CD300LF: variants seen among roughly 807,000 people sequenced by gnomAD.
The protein encoded by CD300LF is CMRF35-like molecule 1.
Under a neutral mutation model 32.2 loss-of-function variants are expected in CD300LF, and 27 were observed. The ratio of observed to expected loss-of-function variants is 0.84; its 90% CI spans 0.62 to 1.15. CD300LF has a LOEUF of 1.15. CD300LF is among the 50% of genes most tolerant of loss of function. The pLI is 0.00. For missense variants in CD300LF, 348 were observed against 356.8 expected, an observed-to-expected ratio of 0.98 and a Z score of 0.20; for synonymous variants, 139 against 143.2, an observed-to-expected ratio of 0.97 and a Z score of 0.21.
chr17:74,695,627 C>G, intron 6 of CD300LF, 98 bp downstream of exon 6: 1 of 1,547,798 alleles, frequency 6.5e-7, no homozygotes, highest in Non-Finnish European at 8.8e-7. Flanking sequence ...CTCCTCTATG[C>G]CCACATGAGC....
intron 5 of CD300LF, 63 bp downstream of exon 5, chr17:74,696,132 G>A: frequency 5.8e-6 from 9 of 1,559,442 alleles, no homozygotes; most frequent in Non-Finnish European, 7.8e-6. Flanking sequence ...CTGAGAGATG[G>A]AAAATGAGGA....
In CD300LF at chr17:74,695,776, C is replaced by A. The variant is rs761990181; in HGVS notation, c.666G>T (p.Thr222=). 26 of 1,614,166 alleles carry A rather than the reference C, an allele frequency of 1.6e-5. No homozygotes were observed. Among genetic ancestry groups the A allele is most frequent in the Non-Finnish European group, 2.1e-5 (25 of 1,180,030 alleles). Residue 222 remains threonine, a synonymous_variant, in exon 6 of 7, where the codon ACG becomes ACT. Coordinates refer to ENST00000326165, the MANE Select transcript of CD300LF (RefSeq NM_139018.5). ...GGTCAACCTGGGCAGAGGAAAGCTT[C>A]GTGGTAGCCTTTTGCGGGGAGGTTC... The part of the protein sequence containing the change: ...LAGTSPQKAT[T]KLSSAQVDQV...
Position 74,695,183 on chromosome 17 carries a change from G to C in CD300LF, c.786C>G (p.Thr262=), listed in dbSNP as rs1336230214. The C allele has an allele frequency of 6.2e-7, 1 of 1,614,150 alleles. No individual in the cohort carries two copies. The highest frequency in any genetic ancestry group is 8.5e-7 in the Non-Finnish European group (1 of 1,180,018). Residue 262 remains threonine, a synonymous_variant, in exon 7 of 7, where the codon ACC becomes ACG. Coordinates refer to ENST00000326165, the MANE Select transcript of CD300LF (RefSeq NM_139018.5). ...TACTGAGGTGGCCCATGTTGCAGTA[G>C]GTCGGTTCCTGATCCTCAGCACCCA... ...LTLGAEDQEP[T]YCNMGHLSSH...
chr17:74,698,198 TGCAAGCTCCAGGGCGCCCCC>T (rs1567784815), intron 4 of CD300LF, among the ~76,000 whole-genome samples, 151 bp downstream of exon 4: 2 of 152,204 alleles, frequency 1.3e-5, no homozygotes. Flanking sequence ...GGGGCTCCCC[TGCAAGCTCCAGGGCGCCCCC>T]CGGTCCCCTG....
chr17:74,703,969 G>A (rs767543436), intron 2 of CD300LF, among the ~76,000 whole-genome samples: 50 of 152,250 alleles, frequency 3.3e-4, no homozygotes, highest in Non-Finnish European at 6.0e-4. Flanking sequence ...CCGTTTGACT[G>A]TGAAGACCTT....
At chr17:74,704,883 G>C in intron 1 of CD300LF, 67 bp from the exon 2 acceptor site, 1 of 1,261,776 alleles carries the variant, frequency 7.9e-7, no homozygotes, top group Admixed American at 2.2e-5. Flanking sequence ...TTTCTGTTTA[G>C]GGAATAGCTC....
At chr17:74,706,974 T>C (rs1434302239) in intron 1 of CD300LF, among the ~76,000 whole-genome samples, 1 of 152,170 alleles carries the variant, frequency 6.6e-6, no homozygotes, top group African/African-American at 2.4e-5. Flanking sequence ...TCACAACATA[T>C]ACAAAAATCA....
intron 2 of CD300LF, 94 bp downstream of exon 2, chr17:74,704,384 T>A (rs909864495): frequency 1.1e-6 from 1 of 911,880 alleles, no homozygotes; most frequent in Non-Finnish European, 1.7e-6. Context: ...AAGTGATAGA[T>A]CACTCAGTGA....
chr17:74,707,896 C>T (rs2033643381), intron 1 of CD300LF, among the ~76,000 whole-genome samples: 2 of 151,556 alleles, frequency 1.3e-5, no homozygotes, highest in Non-Finnish European at 2.9e-5. Context: ...TTATACAGGC[C>T]AGGCACTGTG....
intron 2 of CD300LF, among the ~76,000 whole-genome samples, chr17:74,703,860 C>T (rs951864455): frequency 9.2e-5 from 14 of 152,214 alleles, no homozygotes; most frequent in African/African-American, 3.4e-4. Context: ...AGCTAACGCT[C>T]CCAGGAGTGT....
At chr17:74,698,508 C>T (rs369736004) in intron 3 of CD300LF, 27 bp from the exon 4 acceptor site, 23 of 1,594,816 alleles carry the variant, frequency 1.4e-5, no homozygotes, top group Non-Finnish European at 1.8e-5. Flanking sequence ...GCGTCCCCTG[C>T]ATCCCAGGCT....
At chr17:74,708,002 G>T (rs2033650398) in intron 1 of CD300LF, among the ~76,000 whole-genome samples, 1 of 151,570 alleles carries the variant, frequency 6.6e-6, no homozygotes, top group South Asian at 2.1e-4. Flanking sequence ...ACAAAAATTA[G>T]CCTGGCGTGG....
In CD300LF at chr17:74,695,015, TGAG is replaced by T; in HGVS notation, c.*78_*80del. On this transcript the variant is annotated 3_prime_UTR_variant, in exon 7 of 7. Coordinates refer to ENST00000326165, the MANE Select transcript of CD300LF (RefSeq NM_139018.5). ...GCACCAGTCCCCGGGTTGGTCCTGA[TGAG>T]GGGAGCAGGGGGCAGACGGTCGATG... 1 of 1,462,826 alleles carries T rather than the reference TGAG, an allele frequency of 6.8e-7. No individual in the cohort carries two copies. The highest frequency in any genetic ancestry group is 9.3e-7 in the Non-Finnish European group (1 of 1,078,222). The allele number at this position is 1,462,826 out of a possible 1,614,324, so 90.6% of individuals were successfully genotyped here. A position where few individuals can be genotyped will look rare whatever the true frequency, so the allele number is the denominator to read the frequency against.
chr17:74,704,351 G>A, intron 2 of CD300LF, 127 bp downstream of exon 2: 1 of 719,684 alleles, frequency 1.4e-6, no homozygotes, highest in Non-Finnish European at 2.3e-6. Flanking sequence ...TGGTCAGTCA[G>A]GGTTCTATGA....
chr17:74,698,697 G>T, intron 3 of CD300LF: 1 of 1,209,002 alleles, frequency 8.3e-7, no homozygotes, highest in Non-Finnish European at 1.1e-6. Flanking sequence ...AGACACCAGG[G>T]CCTACTTGAG....
chr17:74,695,198 C>T lies in CD300LF; in HGVS notation c.771G>A (p.Glu257=), dbSNP rs776092294. The change falls in exon 7 of 7, where the codon GAG becomes GAA. Residue 257 remains glutamate (E), a synonymous_variant. Transcript: ENST00000326165. ...ISYASLTLGA[E]DQEPTYCNMG... ...TGTTGCAGTAGGTCGGTTCCTGATCCTCAGCACCCAAGGTCAGAGATGCAT... is the reference window on the plus strand; with the variant it reads ...TGTTGCAGTAGGTCGGTTCCTGATCTTCAGCACCCAAGGTCAGAGATGCAT... The T allele has an allele frequency of 6.2e-7, 1 of 1,614,162 alleles. No individual in the cohort carries two copies. The highest frequency in any genetic ancestry group is 8.5e-7 in the Non-Finnish European group (1 of 1,180,004).
chr17:74,702,912 T>A, intron 3 of CD300LF, 123 bp downstream of exon 3: 1 of 779,396 alleles, frequency 1.3e-6, no homozygotes, highest in Non-Finnish European at 2.1e-6. Flanking sequence ...CCCAGCTTCC[T>A]CATCCTCACC....
intron 1 of CD300LF, among the ~76,000 whole-genome samples, chr17:74,709,615 G>A (rs1180948715): frequency 6.6e-6 from 1 of 151,934 alleles, no homozygotes; most frequent in African/African-American, 2.4e-5. Context: ...CACCCAGGCC[G>A]GAGTGCACTG....
intron 1 of CD300LF, among the ~76,000 whole-genome samples, chr17:74,705,942 A>T (rs2033468686): frequency 6.6e-6 from 1 of 152,214 alleles, no homozygotes; most frequent in Non-Finnish European, 1.5e-5. Flanking sequence ...TGTCCTTTGC[A>T]GCAACATGGA....
Sources: gnomAD v4.1 joint callset for allele counts (sites outside exome capture counted in the v4.1 genomes callset) on GRCh38, gnomAD v4.1.1 for gene constraint, MANE v1.5 for transcripts, NCBI Gene and HGNC (gene_info 2026-07-23, HGNC 2026-07-21) for gene names.